Variants in ZDHHC5 observed in about 807,000 individuals in gnomAD.
ZDHHC5 encodes the protein palmitoyltransferase ZDHHC5.
A neutral mutation model predicts 70.0 loss-of-function variants in ZDHHC5; 22 were observed. That is an observed-to-expected ratio of 0.31 (90% CI 0.22 to 0.45). ZDHHC5 has a LOEUF of 0.45. Ranked by LOEUF, ZDHHC5 falls within the 20% of genes least tolerant of loss-of-function variation. The pLI is 1.00. For missense variants in ZDHHC5, 746 were observed against 926.9 expected, an observed-to-expected ratio of 0.80 and a Z score of 2.53; for synonymous variants, 313 against 347.8, an observed-to-expected ratio of 0.90 and a Z score of 1.11.
intron 2 of ZDHHC5, among the ~76,000 whole-genome samples, chr11:57,679,026 T>C (rs749453276): frequency 2.7e-4 from 41 of 152,242 alleles, no homozygotes; most frequent in Non-Finnish European, 5.6e-4. Flanking sequence ...TCTTGACTCC[T>C]ACTTTGTGTT....
At chr11:57,692,220 C>T (rs1260937982) in intron 6 of ZDHHC5, among the ~76,000 whole-genome samples, 1 of 152,096 alleles carries the variant, frequency 6.6e-6, no homozygotes. Context: ...GGGGTTTTGC[C>T]ATGTTGGCCA....
intron 1 of ZDHHC5, among the ~76,000 whole-genome samples, chr11:57,670,845 A>G (rs1169091132): frequency 2.8e-5 from 4 of 144,052 alleles, no homozygotes; most frequent in African/African-American, 1.0e-4. Flanking sequence ...TTTTTGAGAC[A>G]GAGTCTTGCT....
At chr11:57,686,320 CT>C (rs945733506) in intron 3 of ZDHHC5, among the ~76,000 whole-genome samples, 28 of 146,482 alleles carry the variant, frequency 1.9e-4, no homozygotes, top group African/African-American at 4.7e-4. Flanking sequence ...AGAAAAAAAT[CT>C]TTTTTTTTTT....
chr11:57,690,584 A>G, intron 6 of ZDHHC5, 147 bp downstream of exon 6: 1 of 867,264 alleles, frequency 1.2e-6, no homozygotes, highest in Non-Finnish European at 1.8e-6. Flanking sequence ...GGAGTGAGGT[A>G]GTCCTAGTTC....
At chr11:57,668,951 C>A (rs1040812237) in intron 1 of ZDHHC5, among the ~76,000 whole-genome samples, 1 of 152,206 alleles carries the variant, frequency 6.6e-6, no homozygotes, top group Non-Finnish European at 1.5e-5. Flanking sequence ...ATCACATATA[C>A]GTTATACGCT....
chr11:57,700,181 C>A lies in ZDHHC5; in HGVS notation c.*150C>A. The A allele has an allele frequency of 9.1e-7, 1 of 1,100,132 alleles. No homozygotes were observed. The highest frequency in any genetic ancestry group is 1.2e-6 in the Non-Finnish European group (1 of 803,052). 68.1% of individuals were successfully genotyped at this position (1,100,132 alleles called of 1,614,324 possible). A position where few individuals can be genotyped will look rare whatever the true frequency, so the allele number is the denominator to read the frequency against. On this transcript the variant is annotated 3_prime_UTR_variant, in exon 12 of 12. Transcript: ENST00000287169. ...AGGATGAGGAGTGTTTTCTAAAATG[C>A]AGTAGGCTTGGGGAGTCGGAGAGTT...
At chr11:57,687,306 C>G (rs1055763839) in intron 3 of ZDHHC5, among the ~76,000 whole-genome samples, 1 of 151,652 alleles carries the variant, frequency 6.6e-6, no homozygotes, top group Non-Finnish European at 1.5e-5. Flanking sequence ...TGCGGTGGCC[C>G]ATGCTTGTAA....
intron 2 of ZDHHC5, among the ~76,000 whole-genome samples, chr11:57,673,463 C>T (rs914853491): frequency 1.1e-4 from 16 of 152,182 alleles, no homozygotes; most frequent in African/African-American, 3.4e-4. Context: ...TTCTACCCAG[C>T]TCCATCATTA....
At chr11:57,691,651 T>C (rs1202537709) in intron 6 of ZDHHC5, among the ~76,000 whole-genome samples, 1 of 152,210 alleles carries the variant, frequency 6.6e-6, no homozygotes, top group Non-Finnish European at 1.5e-5. Flanking sequence ...TAAACAATAC[T>C]CACCATAGAA....
intron 2 of ZDHHC5, among the ~76,000 whole-genome samples, chr11:57,677,535 C>T (rs534479659): frequency 1.3e-5 from 2 of 152,256 alleles, no homozygotes; most frequent in East Asian, 1.9e-4. Context: ...GATCCACCCA[C>T]CTCGGCCTCT....
intron 7 of ZDHHC5, among the ~76,000 whole-genome samples, chr11:57,693,331 A>C (rs1054076749): frequency 6.6e-6 from 1 of 152,068 alleles, no homozygotes; most frequent in Admixed American, 6.6e-5. Flanking sequence ...TCCTAAGAGA[A>C]TCTAATGCCT....
chr11:57,681,918 T>G (rs1178030753), intron 2 of ZDHHC5, among the ~76,000 whole-genome samples: 1 of 152,190 alleles, frequency 6.6e-6, no homozygotes, highest in East Asian at 1.9e-4. Context: ...TGGAGATACT[T>G]TAGGCACTTA....
chr11:57,692,123 T>C (rs1215125052), intron 6 of ZDHHC5, among the ~76,000 whole-genome samples: 1 of 152,182 alleles, frequency 6.6e-6, no homozygotes, highest in African/African-American at 2.4e-5. Flanking sequence ...TTCAAGCAAT[T>C]CTCCTGCCTC....
chr11:57,690,461 C>A (rs764705819), intron 6 of ZDHHC5, 24 bp downstream of exon 6: 1 of 1,612,074 alleles, frequency 6.2e-7, no homozygotes, highest in Non-Finnish European at 8.5e-7. Flanking sequence ...TGACGAGAGA[C>A]CCCTGAAGAG....
intron 1 of ZDHHC5, among the ~76,000 whole-genome samples, chr11:57,668,903 G>GT (rs1267249733): frequency 2.6e-5 from 4 of 152,258 alleles, no homozygotes; most frequent in African/African-American, 9.6e-5. Context: ...GAAATAAGAA[G>GT]TAAGAAAGTT....
At chr11:57,692,850 GTAA>G in intron 7 of ZDHHC5, 148 bp downstream of exon 7, 1 of 760,522 alleles carries the variant, frequency 1.3e-6, no homozygotes, top group Non-Finnish European at 2.1e-6. Context: ...TCTTAGAATG[GTAA>G]GTAGTCTATC....
chr11:57,682,489 G>C lies in ZDHHC5; in HGVS notation c.172G>C (p.Val58Leu), dbSNP rs191868466. ...PIYNAIMFLF[V>L]LANFSMATFM... is the part of the protein sequence containing the mutation. ...CTACAATGCAATTATGTTTCTCTTT[G>C]TGTTGGCCAACTTCAGCATGGCCAC... The change falls in exon 3 of 12, where the codon GTG becomes CTG. Residue 58 changes from valine to leucine, a missense_variant. Val to Leu is a conservative substitution (Grantham distance 32). Around this residue, in one of 6 missense-constraint regions of ZDHHC5, gnomAD observed 89 missense variants for 130.7 expected, o/e 0.68. Coordinates refer to ENST00000287169, the MANE Select transcript of ZDHHC5 (RefSeq NM_015457.3). 32 of 1,614,104 alleles carry C rather than the reference G, an allele frequency of 2.0e-5. No individual in the cohort carries two copies. The highest frequency in any genetic ancestry group is 2.5e-5 in the Non-Finnish European group (30 of 1,180,018).
Position 57,693,773 on chromosome 11 carries a change from C to T in ZDHHC5, c.753-10C>T, listed in dbSNP as rs369096832. 3.6e-4 allele frequency: 561 copies of T among 1,547,154 alleles called. No individual in the cohort carries two copies. The highest frequency in any genetic ancestry group is 4.6e-4 in the Non-Finnish European group (522 of 1,146,352). Reference sequence around the variant, plus strand: ...GCTGTGTCTCTCTCTCTCTCTCTCTCGACACTTAGGTATTTGGGGAGACCA... The same window carrying T: ...GCTGTGTCTCTCTCTCTCTCTCTCTTGACACTTAGGTATTTGGGGAGACCA... On this transcript the variant is annotated splice_polypyrimidine_tract_variant and intron_variant, in intron 7 of 11. Transcript: ENST00000287169.
intron 4 of ZDHHC5, 115 bp downstream of exon 4, chr11:57,688,780 A>C (rs1946244344): frequency 1.7e-6 from 2 of 1,189,524 alleles, no homozygotes; most frequent in Non-Finnish European, 2.2e-6. Flanking sequence ...TACGTTGGCC[A>C]CATGGTCCAG....
Sources: allele counts gnomAD v4.1 joint callset (sites outside exome capture counted in the v4.1 genomes callset), GRCh38; gene constraint gnomAD v4.1.1; regional missense constraint gnomAD v4.1.1; transcripts MANE v1.5; gene names NCBI Gene and HGNC (gene_info 2026-07-23, HGNC 2026-07-21).